The following SDK1 variants were observed in gnomAD, a reference collection of about 807,000 sequenced individuals.
SDK1 encodes protein sidekick-1.
Under a neutral mutation model 245.5 loss-of-function variants are expected in SDK1, and 157 were observed. That is an observed-to-expected ratio of 0.64 (90% CI 0.56 to 0.73). The LOEUF is 0.73. SDK1 is among the 30% of genes least tolerant of loss of function. SDK1 has a pLI of 0.00. For missense variants in SDK1, 3,583 were observed against 3,002.3 expected (o/e 1.19, Z -4.52); for synonymous variants, 1,647 against 1,278.5 (o/e 1.29, Z -6.15).
intron 1 of SDK1, among the ~76,000 whole-genome samples, chr7:3,408,829 A>G (rs139179665): frequency 6.6e-5 from 10 of 152,364 alleles, no homozygotes; most frequent in Admixed American, 3.3e-4. Context: ...AATGTTTGAT[A>G]ATAATGCATT....
At chr7:3,450,613 A>C (rs1345540670) in intron 1 of SDK1, among the ~76,000 whole-genome samples, 1 of 152,166 alleles carries the variant, frequency 6.6e-6, no homozygotes, top group African/African-American at 2.4e-5. Flanking sequence ...GAAGCTAGTG[A>C]GTTCTGTTTT....
chr7:3,337,893 A>T (rs1780244560), intron 1 of SDK1: 1 of 152,246 alleles, frequency 6.6e-6, no homozygotes, highest in East Asian at 1.9e-4. Flanking sequence ...ACTAGGTAAA[A>T]GTTCTTTAAA....
At chr7:3,738,961 GTTTTTTTGT>G (rs1401903222) in intron 4 of SDK1, among the ~76,000 whole-genome samples, 1 of 146,672 alleles carries the variant, frequency 6.8e-6, no homozygotes, top group Non-Finnish European at 1.5e-5. Context: ...AATTATTTTT[GTTTTTTTGT>G]TTTTTTAAAA....
intron 1 of SDK1, among the ~76,000 whole-genome samples, chr7:3,422,062 T>G (rs886865903): frequency 6.6e-6 from 1 of 152,254 alleles, no homozygotes; most frequent in South Asian, 2.1e-4. Flanking sequence ...TTAGAAGATA[T>G]GAGGCCTTAA....
intron 4 of SDK1, among the ~76,000 whole-genome samples, chr7:3,709,566 G>C (rs558028822): frequency 6.6e-6 from 1 of 152,128 alleles, no homozygotes; most frequent in Non-Finnish European, 1.5e-5. Flanking sequence ...AAGGGTCTGT[G>C]GTTTCTTTCC....
chr7:3,759,584 C>CATTATTATTATT (rs4039584), intron 4 of SDK1, among the ~76,000 whole-genome samples: 19 of 145,864 alleles, frequency 1.3e-4, no homozygotes, highest in African/African-American at 3.3e-4. Flanking sequence ...AAATTTTTTT[C>CATTATTATTATT]ATTATTATTA....
intron 22 of SDK1, among the ~76,000 whole-genome samples, chr7:4,110,060 A>C (rs6960646): frequency 0.015 from 2,266 of 152,226 alleles, 70 homozygotes; most frequent in African/African-American, 0.052. Context: ...CAACACTGCC[A>C]GGAGGCAGTT....
intron 4 of SDK1, among the ~76,000 whole-genome samples, chr7:3,768,227 TCTC>T (rs1780309497): frequency 6.6e-6 from 1 of 152,154 alleles, no homozygotes. Context: ...CAACCATACT[TCTC>T]CTCTACCACC....
intron 5 of SDK1, among the ~76,000 whole-genome samples, chr7:3,893,491 A>G (rs1254433624): frequency 1.3e-5 from 2 of 151,970 alleles, no homozygotes; most frequent in South Asian, 2.1e-4. Flanking sequence ...GCAGCTCCTC[A>G]GGTACCTGAG....
At chr7:3,808,738 G>A (rs1197492381) in intron 4 of SDK1, among the ~76,000 whole-genome samples, 1 of 152,170 alleles carries the variant, frequency 6.6e-6, no homozygotes, top group African/African-American at 2.4e-5. Context: ...TTCCAGAACA[G>A]TGTCCATCGT....
At chr7:4,132,076 C>T (rs959298852) in intron 27 of SDK1, among the ~76,000 whole-genome samples, 2 of 152,136 alleles carry the variant, frequency 1.3e-5, no homozygotes, top group African/African-American at 4.8e-5. Flanking sequence ...TTCGTGAACC[C>T]TGCTTTTGAG....
At position 4,160,465 on chromosome 7, in the gene SDK1, G is replaced by T. The variant is rs554519186; in HGVS notation, c.4730-1321G>T. Among the ~76,000 whole-genome samples the T allele has an allele frequency of 5.9e-5, 9 of 152,226 alleles. No homozygotes were observed. In the East Asian group the frequency reaches 1.5e-3, roughly 26 times the overall value. ...GCTTTGATGCACCTATCTTGTCATC[G>T]CCTTCCCTGGGATGTGCAGTTTCTC... is the stretch of plus-strand genomic sequence containing the variant. On this transcript the variant is annotated intron_variant, in intron 31 of 44. Coordinates refer to ENST00000404826, the MANE Select transcript of SDK1 (RefSeq NM_152744.4).
chr7:3,665,296 G>A (rs1783491721), intron 4 of SDK1, among the ~76,000 whole-genome samples: 1 of 152,140 alleles, frequency 6.6e-6, no homozygotes, highest in Admixed American at 6.5e-5. Flanking sequence ...TTTTCCCGTG[G>A]CCTCACCTAC....
rs540569566 is a variant in SDK1 at position 3,681,374 on chromosome 7, C to G, written c.713+39269C>G. 3.9e-5 allele frequency among the ~76,000 whole-genome samples: 6 copies of G among 152,164 alleles called. No homozygotes were observed. The South Asian group carries it at 1.0e-3, about 26-fold the overall frequency. ...TGAGTTCATTCATTTTAATGTTAGA[C>G]TTTTCCTGATGAGATGATTATAAAC... On this transcript the variant is annotated intron_variant, in intron 4 of 44. Coordinates refer to ENST00000404826, the MANE Select transcript of SDK1 (RefSeq NM_152744.4).
intron 32 of SDK1, among the ~76,000 whole-genome samples, chr7:4,163,985 G>C (rs1283271408): frequency 1.3e-5 from 2 of 152,184 alleles, no homozygotes; most frequent in East Asian, 3.9e-4. Flanking sequence ...TCTCCTTCAA[G>C]TGTCCATGGA....
At chr7:4,249,100 G>A (rs942351738) in intron 44 of SDK1, among the ~76,000 whole-genome samples, 1 of 152,108 alleles carries the variant, frequency 6.6e-6, no homozygotes, top group African/African-American at 2.4e-5. Context: ...GGTGAGTGTG[G>A]GGAGGGAGGG....
chr7:3,322,595 G>A (rs775907221), intron 1 of SDK1, among the ~76,000 whole-genome samples: 11 of 152,158 alleles, frequency 7.2e-5, no homozygotes, highest in Non-Finnish European at 1.5e-4. Context: ...CACCAACAAT[G>A]TAGAAGAATT....
At chr7:3,624,395 C>T (rs1782047425) in intron 2 of SDK1, among the ~76,000 whole-genome samples, 1 of 152,076 alleles carries the variant, frequency 6.6e-6, no homozygotes, top group African/African-American at 2.4e-5. Flanking sequence ...GATGGGGTTG[C>T]ACTGTGTTGC....
At chr7:3,773,943 G>A (rs927735899) in intron 4 of SDK1, among the ~76,000 whole-genome samples, 47 of 152,304 alleles carry the variant, frequency 3.1e-4, no homozygotes, top group African/African-American at 9.4e-4. Flanking sequence ...GGCCAGGCAC[G>A]GTGGCTCATG....
Sources: gnomAD v4.1 joint callset for allele counts (sites outside exome capture counted in the v4.1 genomes callset) on GRCh38, gnomAD v4.1.1 for gene constraint, MANE v1.5 for transcripts, NCBI Gene and HGNC (gene_info 2026-07-23, HGNC 2026-07-21) for gene names.